C4BPA: variants seen among roughly 807,000 people sequenced by gnomAD.
The protein encoded by C4BPA is C4b-binding protein alpha chain.
A neutral mutation model predicts 63.7 loss-of-function variants in C4BPA; 31 were observed. The ratio of observed to expected loss-of-function variants is 0.49; its 90% CI spans 0.37 to 0.66. The LOEUF (loss-of-function observed/expected upper bound fraction) is 0.66, where lower values mean the gene tolerates loss of function less well. C4BPA is among the 30% of genes least tolerant of loss of function. The probability of loss-of-function intolerance (pLI) is 0.00; values close to 1 mark genes in which losing one functional copy is unlikely to be tolerated. For synonymous variants in C4BPA, 259 were observed against 254.7 expected (o/e 1.02, Z -0.16); for missense variants, 572 against 723.3 (o/e 0.79, Z 2.40).
At chr1:207,123,878 G>A (rs750663585) in intron 4 of C4BPA, 44 bp from the exon 5 acceptor site, 7 of 1,090,952 alleles carry the variant, frequency 6.4e-6, no homozygotes, top group East Asian at 2.5e-5. Flanking sequence ...ATTTAATTTA[G>A]GGTAGGAGGA....
Position 207,114,913 on chromosome 1 carries a change from T to C in C4BPA, c.329-503T>C, listed in dbSNP as rs147553990. On this transcript the variant is annotated intron_variant, in intron 3 of 11. Transcript: ENST00000367070. ...TTTAAAAAATTATAAAAAAGGTAGG[T>C]GGCTAGAAAGAGGCAATGCAGTTTT... 1,347 of 153,284 alleles carry C rather than the reference T, an allele frequency of 8.8e-3. 8 individuals carry two copies. The highest frequency in any genetic ancestry group is 0.023 in the African/African-American group (966 of 41,574). 9.5% of individuals were successfully genotyped at this position (153,284 alleles called of 1,614,324 possible).
intron 10 of C4BPA, 90 bp downstream of exon 10, chr1:207,141,366 G>A (rs1372001739): frequency 1.0e-6 from 1 of 971,402 alleles, no homozygotes; most frequent in Non-Finnish European, 1.5e-6. Context: ...GTCAGAGGCA[G>A]CATGAAAACA....
intron 9 of C4BPA, among the ~76,000 whole-genome samples, chr1:207,135,960 CT>C (rs1318090428): frequency 6.6e-6 from 1 of 152,186 alleles, no homozygotes; most frequent in East Asian, 1.9e-4. Flanking sequence ...CTCTATAACC[CT>C]TAAGATGACC....
intron 6 of C4BPA, 137 bp downstream of exon 6, chr1:207,124,503 G>C: frequency 1.5e-6 from 1 of 668,588 alleles, no homozygotes; most frequent in Non-Finnish European, 2.5e-6. Flanking sequence ...TCATTTATTT[G>C]GCCACCTGAT....
At chr1:207,123,729 C>T (rs757862629) in intron 4 of C4BPA, among the ~76,000 whole-genome samples, 193 bp from the exon 5 acceptor site, 1 of 151,944 alleles carries the variant, frequency 6.6e-6, no homozygotes, top group Non-Finnish European at 1.5e-5. Context: ...GAATGAGGGT[C>T]CAAAGGAAAA....
At chr1:207,120,279 A>G (rs888052121) in intron 4 of C4BPA, among the ~76,000 whole-genome samples, 1 of 152,234 alleles carries the variant, frequency 6.6e-6, no homozygotes, top group African/African-American at 2.4e-5. Flanking sequence ...ATTTTCGGGT[A>G]AACAACAAAT....
chr1:207,111,008 T>C (rs1160593408), intron 1 of C4BPA, among the ~76,000 whole-genome samples: 3 of 152,246 alleles, frequency 2.0e-5, no homozygotes, highest in African/African-American at 7.2e-5. Context: ...CTACTCATTG[T>C]CAAAAATTGA....
chr1:207,116,250 C>G (rs1684783293), intron 4 of C4BPA, among the ~76,000 whole-genome samples: 2 of 152,104 alleles, frequency 1.3e-5, no homozygotes, highest in Non-Finnish European at 1.5e-5. Context: ...TAAAATCTCA[C>G]TATAGTTTCA....
At position 207,115,463 on chromosome 1, in the gene C4BPA, A is replaced by G. The variant is rs1684764576; in HGVS notation, c.376A>G (p.Ile126Val). The change falls in exon 4 of 12, where the codon ATT (isoleucine) becomes GTT (valine). Residue 126 changes from isoleucine (I) to valine (V), a missense_variant. Ile to Val is a conservative substitution (Grantham distance 29, BLOSUM62 3). Transcript: ENST00000367070. Reference sequence around the variant, plus strand: ...AGAGTTACGTAATGGGCAAGTAGAGATTAAGACAGATTTATCTTTTGGATC... The same window carrying G: ...AGAGTTACGTAATGGGCAAGTAGAGGTTAAGACAGATTTATCTTTTGGATC... ...PGELRNGQVE[I>V]KTDLSFGSQI... 3 of 1,599,606 alleles carry G rather than the reference A, an allele frequency of 1.9e-6. No homozygotes were observed. The highest frequency in any genetic ancestry group is 2.3e-5 in the East Asian group (1 of 43,912).
intron 9 of C4BPA, among the ~76,000 whole-genome samples, chr1:207,135,502 T>C (rs945969551): frequency 1.3e-5 from 2 of 152,126 alleles, no homozygotes; most frequent in African/African-American, 4.8e-5. Flanking sequence ...TATCTCCCAC[T>C]TGTAGAAATG....
rs900584586 is a variant in C4BPA at position 207,126,729 on chromosome 1, G to A, written c.723G>A (p.Lys241=). 3.1e-6 allele frequency: 5 copies of A among 1,608,980 alleles called. No individual in the cohort carries two copies. In the African/African-American group the frequency reaches 5.3e-5, roughly 17 times the overall value. ...ATTCTTTAGAAATCACCTGTCGCAA[G>A]CCAGATGTTTCACATGGGGAAATGG... ...PPTCEKITCR[K]PDVSHGEMVS... Residue 241 remains lysine (K), a synonymous_variant, in exon 7 of 12, where the codon AAG becomes AAA. Transcript: ENST00000367070.
At chr1:207,121,955 C>T (rs1474175631) in intron 4 of C4BPA, among the ~76,000 whole-genome samples, 1 of 152,086 alleles carries the variant, frequency 6.6e-6, no homozygotes, top group African/African-American at 2.4e-5. Flanking sequence ...TGCTTTCATT[C>T]TCAACTTTGC....
chr1:207,112,190 A>T (rs1236566932), intron 1 of C4BPA, among the ~76,000 whole-genome samples: 1 of 122,054 alleles, frequency 8.2e-6, no homozygotes, highest in Non-Finnish European at 1.7e-5. Flanking sequence ...TATATTTTTC[A>T]TATATATATA....
chr1:207,123,783 G>A (rs1248716693), intron 4 of C4BPA, 139 bp from the exon 5 acceptor site: 1 of 604,058 alleles, frequency 1.7e-6, no homozygotes, highest in Non-Finnish European at 2.9e-6. Flanking sequence ...ACTGAATGGA[G>A]TGCTTAATGG....
intron 9 of C4BPA, among the ~76,000 whole-genome samples, chr1:207,137,401 T>C (rs1685304911): frequency 6.6e-6 from 1 of 152,200 alleles, no homozygotes; most frequent in South Asian, 2.1e-4. Context: ...TTATACATTT[T>C]AGGGAGACAT....
chr1:207,127,430 A>C (rs933270359), intron 7 of C4BPA: 1 of 152,230 alleles, frequency 6.6e-6, no homozygotes, highest in Non-Finnish European at 1.5e-5. Context: ...AACAAGGATT[A>C]ACTCAACAAA....
intron 9 of C4BPA, among the ~76,000 whole-genome samples, chr1:207,135,898 G>A (rs562661154): frequency 2.0e-5 from 3 of 152,240 alleles, no homozygotes; most frequent in South Asian, 4.2e-4. Flanking sequence ...GCTGTGAGTG[G>A]GTTTTCTAGT....
At chr1:207,136,509 C>T (rs1685282649) in intron 9 of C4BPA, among the ~76,000 whole-genome samples, 1 of 152,174 alleles carries the variant, frequency 6.6e-6, no homozygotes, top group Non-Finnish European at 1.5e-5. Context: ...CCAGACAAGC[C>T]ATTCATTCCA....
intron 1 of C4BPA, among the ~76,000 whole-genome samples, chr1:207,108,318 T>C (rs1252502109): frequency 1.3e-5 from 2 of 151,448 alleles, no homozygotes; most frequent in Non-Finnish European, 2.9e-5. Context: ...AAAAAAAAAT[T>C]CACTAAGATA....
Sources: gnomAD v4.1 joint callset for allele counts (sites outside exome capture counted in the v4.1 genomes callset) on GRCh38, gnomAD v4.1.1 for gene constraint, MANE v1.5 for transcripts, NCBI Gene and HGNC (gene_info 2026-07-23, HGNC 2026-07-21) for gene names.